PRKACB: variants seen among roughly 807,000 people sequenced by gnomAD.
PRKACB encodes the protein protein kinase cAMP-activated catalytic subunit beta.
A neutral mutation model predicts 51.4 loss-of-function variants in PRKACB; 16 were observed. That is an observed-to-expected ratio of 0.31 (90% confidence interval 0.21 to 0.47). The LOEUF is 0.47. Ranked by LOEUF, PRKACB falls within the 20% of genes least tolerant of loss-of-function variation. PRKACB has a pLI of 1.00. For synonymous variants in PRKACB, 147 were observed against 154.4 expected (o/e 0.95, Z 0.35); for missense variants, 309 against 464.5 (o/e 0.67, Z 3.08).
At chr1:84,135,469 A>T (rs1179247889) in intron 1 of PRKACB, among the ~76,000 whole-genome samples, 1 of 152,174 alleles carries the variant, frequency 6.6e-6, no homozygotes, top group Non-Finnish European at 1.5e-5. Context: ...AACAAGAGCA[A>T]AATATACATT....
intron 5 of PRKACB, 57 bp downstream of exon 5, chr1:84,185,239 T>A (rs1244634348): frequency 2.5e-5 from 32 of 1,298,040 alleles, no homozygotes; most frequent in Non-Finnish European, 3.1e-5. Flanking sequence ...TTTAACCAGA[T>A]TTTTAAGTTG....
intron 1 of PRKACB, among the ~76,000 whole-genome samples, chr1:84,100,603 A>G (rs1327681593): frequency 2.0e-5 from 3 of 152,182 alleles, no homozygotes; most frequent in Middle Eastern, 3.2e-3. Context: ...CCCTCTGCTC[A>G]TAAGCACCAT....
At chr1:84,161,157 G>A (rs1409430286) in intron 1 of PRKACB, among the ~76,000 whole-genome samples, 1 of 151,692 alleles carries the variant, frequency 6.6e-6, no homozygotes, top group East Asian at 1.9e-4. Flanking sequence ...TCTGTTCAAT[G>A]CATATGCATT....
At chr1:84,192,788 C>A (rs761917371) in intron 5 of PRKACB, among the ~76,000 whole-genome samples, 3 of 152,204 alleles carry the variant, frequency 2.0e-5, no homozygotes, top group Non-Finnish European at 4.4e-5. Flanking sequence ...TTGAATGATT[C>A]CTATAACGTT....
At chr1:84,156,546 G>A (rs1655527916) in intron 1 of PRKACB, among the ~76,000 whole-genome samples, 1 of 152,110 alleles carries the variant, frequency 6.6e-6, no homozygotes, top group Non-Finnish European at 1.5e-5. Context: ...CAAGTTGGAT[G>A]TGTGAGAAGG....
intron 1 of PRKACB, among the ~76,000 whole-genome samples, chr1:84,125,354 T>G (rs988382672): frequency 2.0e-5 from 3 of 152,180 alleles, no homozygotes; most frequent in African/African-American, 7.2e-5. Context: ...TTGCCATGGC[T>G]CTCTTCTGCT....
rs951205766 is a variant in PRKACB at position 84,200,026 on chromosome 1, T to C, written c.783+2202T>C. ...ACACCTGGTTAATTTTTGTATTTTT[T>C]AGTAGAGACAGGGTTTCACCATATT... On this transcript the variant is annotated intron_variant, in intron 7 of 9. Coordinates refer to ENST00000370685, the MANE Select transcript of PRKACB (RefSeq NM_182948.4). 5.3e-5 allele frequency among the ~76,000 whole-genome samples: 8 copies of C among 152,148 alleles called. No homozygotes were observed. In the East Asian group the frequency reaches 1.4e-3, roughly 26 times the overall value.
intron 1 of PRKACB, among the ~76,000 whole-genome samples, chr1:84,168,625 G>T (rs987082981): frequency 6.6e-6 from 1 of 151,490 alleles, no homozygotes; most frequent in Admixed American, 6.6e-5. Context: ...AATTAAAGAT[G>T]GTTATTTGCC....
intron 9 of PRKACB, among the ~76,000 whole-genome samples, chr1:84,224,354 C>T (rs1298508182): frequency 2.0e-5 from 3 of 152,180 alleles, no homozygotes; most frequent in Non-Finnish European, 4.4e-5. Context: ...TGGATGAGAC[C>T]TTAGTCTCCT....
At chr1:84,200,640 C>T (rs2101369561) in intron 7 of PRKACB, among the ~76,000 whole-genome samples, 1 of 151,810 alleles carries the variant, frequency 6.6e-6, no homozygotes, top group Non-Finnish European at 1.5e-5. Context: ...GTCTTTAATC[C>T]ATTTTGAGTT....
At chr1:84,206,222 A>G (rs1310975729) in intron 8 of PRKACB, among the ~76,000 whole-genome samples, 1 of 152,234 alleles carries the variant, frequency 6.6e-6, no homozygotes, top group Non-Finnish European at 1.5e-5. Flanking sequence ...GAGTAACAAT[A>G]TATAAGGAGA....
At chr1:84,130,264 A>G (rs886228011) in intron 1 of PRKACB, among the ~76,000 whole-genome samples, 2 of 151,458 alleles carry the variant, frequency 1.3e-5, no homozygotes, top group African/African-American at 4.8e-5. Flanking sequence ...ATCCCTGGTG[A>G]CAAGGAAAAA....
chr1:84,212,086 G>A (rs1672218028), intron 8 of PRKACB, among the ~76,000 whole-genome samples: 1 of 152,132 alleles, frequency 6.6e-6, no homozygotes, highest in African/African-American at 2.4e-5. Flanking sequence ...TCAATTTACA[G>A]TACTGTATTA....
At chr1:84,231,704 T>G (rs2101700455) in intron 9 of PRKACB, among the ~76,000 whole-genome samples, 1 of 152,252 alleles carries the variant, frequency 6.6e-6, no homozygotes, top group East Asian at 1.9e-4. Context: ...CTAGTTTATT[T>G]GCGTAGAGGT....
chr1:84,215,390 A>T (rs1425946734), intron 9 of PRKACB, among the ~76,000 whole-genome samples: 1 of 152,200 alleles, frequency 6.6e-6, no homozygotes, highest in Non-Finnish European at 1.5e-5. Flanking sequence ...AGATGGTCGT[A>T]TAAATAAATG....
intron 1 of PRKACB, among the ~76,000 whole-genome samples, chr1:84,101,869 TAAAG>T (rs914989155): frequency 1.3e-5 from 2 of 152,142 alleles, no homozygotes; most frequent in African/African-American, 4.8e-5. Context: ...TATTATTTAA[TAAAG>T]ATTTAGAGAA....
intron 5 of PRKACB, among the ~76,000 whole-genome samples, chr1:84,187,164 T>C (rs1665376440): frequency 1.3e-5 from 2 of 152,116 alleles, no homozygotes; most frequent in Admixed American, 1.3e-4. Context: ...AAGCAGAGAA[T>C]GCCAAACTTT....
At chr1:84,141,383 G>A (rs553766340), upstream of PRKACB, among the ~76,000 whole-genome samples, 2 of 151,936 alleles carry the variant, frequency 1.3e-5, no homozygotes, top group Non-Finnish European at 2.9e-5. Context: ...TGCCAGTAGA[G>A]TTCTTCTTTT....
chr1:84,233,228 G>T (rs1327439021), intron 9 of PRKACB, among the ~76,000 whole-genome samples: 2 of 152,244 alleles, frequency 1.3e-5, no homozygotes, highest in South Asian at 4.2e-4. Context: ...CTTTAAGAAT[G>T]TTGAATATTG....
Sources: gnomAD v4.1 joint callset for allele counts (sites outside exome capture counted in the v4.1 genomes callset) on GRCh38, gnomAD v4.1.1 for gene constraint, MANE v1.5 for transcripts, NCBI Gene and HGNC (gene_info 2026-07-23, HGNC 2026-07-21) for gene names.